Variants in MICAL2 observed in about 807,000 individuals in gnomAD.
MICAL2 encodes [F-actin]-monooxygenase MICAL2.
MICAL2 carries 77 observed loss-of-function variants against 127.3 expected under a neutral mutation model. The observed-to-expected ratio is 0.60, with a 90% CI of 0.50 to 0.73. The LOEUF (loss-of-function observed/expected upper bound fraction) is 0.73. Among genes scored for constraint, MICAL2 ranks in the 30% least tolerant of loss-of-function variants. The pLI, the probability that MICAL2 is intolerant of heterozygous loss-of-function variation, is 0.00. For missense variants in MICAL2, 1,351 were observed against 1,434.4 expected, an observed-to-expected ratio of 0.94 and a Z score of 0.94; for synonymous variants, 570 against 551.1, an observed-to-expected ratio of 1.03 and a Z score of -0.48.
intron 2 of MICAL2, among the ~76,000 whole-genome samples, chr11:12,152,133 CAA>C (rs71037057): frequency 4.0e-5 from 5 of 123,474 alleles, no homozygotes; most frequent in Admixed American, 8.0e-5. Flanking sequence ...ACTAAAAATA[CAA>C]AAAAAAAAAA....
downstream of MICAL2, among the ~76,000 whole-genome samples, chr11:12,288,106 C>T (rs1376135570): frequency 6.6e-6 from 1 of 152,238 alleles, no homozygotes; most frequent in East Asian, 1.9e-4. Context: ...CAGGCTGGGA[C>T]AGGGGCACCT....
intron 2 of MICAL2, among the ~76,000 whole-genome samples, chr11:12,157,636 A>G (rs1854331154): frequency 6.6e-6 from 1 of 152,142 alleles, no homozygotes; most frequent in Non-Finnish European, 1.5e-5. Context: ...CAAAAGGGCA[A>G]CAGCTGGGTG....
At chr11:12,189,807 CT>C (rs908752802) in intron 3 of MICAL2, among the ~76,000 whole-genome samples, 9 of 152,226 alleles carry the variant, frequency 5.9e-5, no homozygotes, top group African/African-American at 1.9e-4. Flanking sequence ...CCAGGCATGC[CT>C]TCCTCTTGGT....
chr11:12,233,520 A>C (rs1179029799), intron 15 of MICAL2, among the ~76,000 whole-genome samples: 1 of 152,248 alleles, frequency 6.6e-6, no homozygotes, highest in Non-Finnish European at 1.5e-5. Context: ...AAATCACATT[A>C]ACTCGGGCAG....
intron 3 of MICAL2, among the ~76,000 whole-genome samples, chr11:12,176,941 A>G (rs1856906975): frequency 6.6e-6 from 1 of 152,218 alleles, no homozygotes; most frequent in Admixed American, 6.5e-5. Flanking sequence ...GGATATACGT[A>G]TCTATTTCTT....
chr11:12,347,878 G>A (rs1938981159), intron 32 of MICAL2, among the ~76,000 whole-genome samples: 1 of 152,074 alleles, frequency 6.6e-6, no homozygotes, highest in South Asian at 2.1e-4. Flanking sequence ...AGCAGGCCAG[G>A]CACGGTGGCT....
At chr11:12,132,589 C>T (rs1192555884) in intron 1 of MICAL2, among the ~76,000 whole-genome samples, 1 of 152,232 alleles carries the variant, frequency 6.6e-6, no homozygotes, top group Non-Finnish European at 1.5e-5. Flanking sequence ...AGAGAATAGC[C>T]ATTAGCTGCC....
At chr11:12,214,222 T>C (rs1371551585) in intron 7 of MICAL2, among the ~76,000 whole-genome samples, 1 of 152,260 alleles carries the variant, frequency 6.6e-6, no homozygotes, top group African/African-American at 2.4e-5. Context: ...ATACTTTTCC[T>C]TTCTTTTTAA....
intron 2 of MICAL2, among the ~76,000 whole-genome samples, chr11:12,156,789 C>T (rs1854234038): frequency 6.6e-6 from 1 of 152,218 alleles, no homozygotes; most frequent in African/African-American, 2.4e-5. Flanking sequence ...TGGCTCCTGC[C>T]TCATCTCAGG....
chr11:12,115,605 C>T (rs1286671127), intron 1 of MICAL2, among the ~76,000 whole-genome samples: 3 of 152,124 alleles, frequency 2.0e-5, no homozygotes, highest in African/African-American at 4.8e-5. Context: ...AGGTATGAAC[C>T]ACTATGCCTG....
chr11:12,264,712 C>CTCT (rs930957888), downstream of MICAL2, among the ~76,000 whole-genome samples: 32 of 152,342 alleles, frequency 2.1e-4, no homozygotes, highest in African/African-American at 7.7e-4. Context: ...GGGTTCTGTA[C>CTCT]TCTTACCTGG....
chr11:12,261,407 C>G (rs1271646841), intron 26 of MICAL2: 4 of 985,340 alleles, frequency 4.1e-6, no homozygotes, highest in Admixed American at 1.2e-4. Context: ...AATGAGCATG[C>G]AGGTCCACCT....
intron 32 of MICAL2, among the ~76,000 whole-genome samples, chr11:12,331,473 C>A (rs1864427846): frequency 6.6e-6 from 1 of 152,106 alleles, no homozygotes; most frequent in Non-Finnish European, 1.5e-5. Flanking sequence ...AAAGTGCCAG[C>A]AGGTGGCAGC....
chr11:12,185,333 A>T (rs1228089559), intron 3 of MICAL2, among the ~76,000 whole-genome samples: 3 of 152,014 alleles, frequency 2.0e-5, no homozygotes, highest in Admixed American at 2.0e-4. Flanking sequence ...TGCTGGGATA[A>T]AAACCATTAC....
intron 3 of MICAL2, among the ~76,000 whole-genome samples, chr11:12,180,349 A>ATATATATATTT (rs11403732): frequency 5.0e-5 from 7 of 139,712 alleles, no homozygotes; most frequent in South Asian, 2.3e-4. Flanking sequence ...ATATGTATAT[A>ATATATATATTT]TTTTTTTTTT....
intron 25 of MICAL2, 129 bp from the exon 26 acceptor site, chr11:12,259,666 G>A: frequency 1.2e-6 from 1 of 811,232 alleles, no homozygotes; most frequent in Non-Finnish European, 1.8e-6. Flanking sequence ...CATGAGTCGG[G>A]GGGCTGAGAT....
chr11:12,230,768 T>C (rs1190779125), intron 15 of MICAL2, among the ~76,000 whole-genome samples: 2 of 151,432 alleles, frequency 1.3e-5, no homozygotes, highest in African/African-American at 4.9e-5. Flanking sequence ...ATGTATCAAC[T>C]TCAAGCAAAA....
At chr11:12,199,226 G>A (rs1860344906) in intron 3 of MICAL2, among the ~76,000 whole-genome samples, 1 of 152,182 alleles carries the variant, frequency 6.6e-6, no homozygotes. Flanking sequence ...AAGTGGGGAT[G>A]ATCATAACAC....
At chr11:12,183,240 T>C (rs1294536314) in intron 3 of MICAL2, among the ~76,000 whole-genome samples, 1 of 152,054 alleles carries the variant, frequency 6.6e-6, no homozygotes, top group Non-Finnish European at 1.5e-5. Flanking sequence ...TAATACATTG[T>C]TGTGGTTTTG....
Sources: allele counts gnomAD v4.1 joint callset (sites outside exome capture counted in the v4.1 genomes callset), GRCh38; gene constraint gnomAD v4.1.1; transcripts MANE v1.5; gene names NCBI Gene and HGNC (gene_info 2026-07-23, HGNC 2026-07-21).